Variants in DNAH2 observed in about 807,000 individuals in gnomAD.
The protein encoded by DNAH2 is dynein axonemal heavy chain 2, also known as axonemal beta dynein heavy chain 2.
DNAH2 carries 323 observed loss-of-function variants against 523.5 expected under a neutral mutation model. The ratio of observed to expected loss-of-function variants is 0.62; its 90% CI spans 0.56 to 0.68. The LOEUF (loss-of-function observed/expected upper bound fraction) is 0.68, where lower values mean the gene tolerates loss of function less well. Among genes scored for constraint, DNAH2 ranks in the 30% least tolerant of loss-of-function variants. The probability of loss-of-function intolerance (pLI) is 0.00; values close to 1 mark genes in which losing one functional copy is unlikely to be tolerated. For synonymous variants in DNAH2, 2,093 were observed against 2,177.4 expected (o/e 0.96, Z 1.08); for missense variants, 4,907 against 5,701.5 (o/e 0.86, Z 4.49).
chr17:7,792,773 G>T lies in DNAH2; in HGVS notation c.7262G>T (p.Gly2421Val). The T allele has an allele frequency of 6.2e-7, 1 of 1,614,174 alleles. No individual in the cohort carries two copies. Among genetic ancestry groups the T allele is most frequent in the South Asian group, 1.1e-5 (1 of 91,084 alleles). ...PILLVGPVGT[G>V]KTSIAQSVLQ... Reference sequence around the variant, plus strand: ...CTGCTGGTGGGTCCCGTGGGGACTGGGAAGACCTCCATCGCCCAGAGCGTT... The same window carrying T: ...CTGCTGGTGGGTCCCGTGGGGACTGTGAAGACCTCCATCGCCCAGAGCGTT... Residue 2421 changes from glycine to valine, a missense_variant, in exon 47 of 86, where the codon GGG (glycine) becomes GTG (valine). Around this residue, in one of 3 missense-constraint regions of DNAH2, gnomAD observed 2,806 missense variants for 3,190.8 expected, o/e 0.88. Coordinates refer to ENST00000572933, the MANE Select transcript of DNAH2 (RefSeq NM_020877.5).
At position 7,754,851 on chromosome 17, in the gene DNAH2, T is replaced by C; in HGVS notation, c.1905-2240T>C. ...CCAGTGCCCTACAAAGACTTCAGAG[T>C]AGATATCTCTGTCTGCCAACGTGAG... On this transcript the variant is annotated intron_variant, in intron 12 of 85. Transcript: ENST00000572933. This position sits in a 1 kb window ranked among gnomAD's most constrained non-coding sequence, Gnocchi z 4.6. 1.5e-6 allele frequency: 1 copy of C among 662,136 alleles called. No individual in the cohort carries two copies. The highest frequency in any genetic ancestry group is 2.7e-6 in the Non-Finnish European group (1 of 371,564). The allele number at this position is 662,136 out of a possible 1,614,324, so 41.0% of individuals were successfully genotyped here.
chr17:7,815,276 C>A (rs983246700), intron 63 of DNAH2, among the ~76,000 whole-genome samples: 3 of 152,252 alleles, frequency 2.0e-5, no homozygotes, highest in Admixed American at 1.3e-4. Flanking sequence ...ATGAAACTTA[C>A]CAGAATTACT....
At chr17:7,720,628 ACCT>A (rs2074573072) in intron 2 of DNAH2, among the ~76,000 whole-genome samples, 1 of 151,890 alleles carries the variant, frequency 6.6e-6, no homozygotes, top group Non-Finnish European at 1.5e-5. Flanking sequence ...CTAAGTGTAG[ACCT>A]CCTTCTTTAC....
rs2078250318 is a variant in DNAH2, at chr17:7,833,383, G to A, written c.13134G>A (p.Met4378Ile). 2 of 1,613,888 alleles carry A rather than the reference G, an allele frequency of 1.2e-6. No homozygotes were observed. The highest frequency in any genetic ancestry group is 1.7e-6 in the Non-Finnish European group (2 of 1,180,016). ...AESRKKSAKG[M>I]YSCPCYYYPN... ...TTCTCCTCTCCTTTCCCCCAGGCAT[G>A]TACTCCTGCCCCTGCTATTACTATC... The change falls in exon 86 of 86, where the codon ATG (methionine) becomes ATA (isoleucine). Residue 4378 changes from methionine (M) to isoleucine (I), a missense_variant. Around this residue, in one of 3 missense-constraint regions of DNAH2, gnomAD observed 1,851 missense variants for 2,139.4 expected, o/e 0.87. Transcript: ENST00000572933.
intron 2 of DNAH2, among the ~76,000 whole-genome samples, chr17:7,720,703 T>C (rs544284742): frequency 7.8e-4 from 119 of 152,236 alleles, no homozygotes; most frequent in African/African-American, 2.8e-3. Flanking sequence ...AATTAAAGGT[T>C]GAGAGGTTAA....
At chr17:7,759,994 G>T in intron 17 of DNAH2, 56 bp downstream of exon 17, 1 of 1,611,758 alleles carries the variant, frequency 6.2e-7, no homozygotes. Context: ...TGTCGAGTGG[G>T]CCAGGCCAGG....
At position 7,749,312 on chromosome 17, in the gene DNAH2, A is replaced by ATC. The variant is rs1336153703; in HGVS notation, c.1904+6170_1904+6171insTC. On this transcript the variant is annotated intron_variant, in intron 12 of 85. Transcript: ENST00000572933. ...AACAAGAGCTAAACTCCCCCCCAAAAAAAAAAAAAAAAAAAAAAAAAAAAA... is the reference window on the plus strand; with the variant it reads ...AACAAGAGCTAAACTCCCCCCCAAAATCAAAAAAAAAAAAAAAAAAAAAAAAA... 8.2e-4 allele frequency among the ~76,000 whole-genome samples: 61 copies of ATC among 74,580 alleles called. 2 individuals are homozygous for ATC. Among genetic ancestry groups the ATC allele is most frequent in the African/African-American group, 3.8e-3 (22 of 5,802 alleles). 48.9% of individuals were successfully genotyped at this position (74,580 alleles called of 152,430 possible).
At chr17:7,789,267 G>A (rs1295299182) in intron 44 of DNAH2, among the ~76,000 whole-genome samples, 2 of 152,244 alleles carry the variant, frequency 1.3e-5, no homozygotes, top group Admixed American at 1.3e-4. Context: ...TGTCAAGAAG[G>A]ACGGGCTGGG....
intron 12 of DNAH2, among the ~76,000 whole-genome samples, chr17:7,747,877 A>T (rs1376355099): frequency 6.6e-6 from 1 of 152,234 alleles, no homozygotes; most frequent in Non-Finnish European, 1.5e-5. Context: ...GTCTGGGCTC[A>T]TCACCAGTAA....
At chr17:7,757,286 T>G in intron 13 of DNAH2, 49 bp downstream of exon 13, 1 of 1,592,382 alleles carries the variant, frequency 6.3e-7, no homozygotes, top group Non-Finnish European at 8.6e-7. Flanking sequence ...ATTTTATTCC[T>G]TCTTTTTCTC....
At chr17:7,801,190 T>C (rs1234648083) in intron 56 of DNAH2, among the ~76,000 whole-genome samples, 2 of 152,070 alleles carry the variant, frequency 1.3e-5, no homozygotes, top group Non-Finnish European at 2.9e-5. Context: ...TTGTTTTTAA[T>C]GTTTGTGATA....
At chr17:7,748,216 T>C (rs1973669229) in intron 12 of DNAH2, among the ~76,000 whole-genome samples, 2 of 152,336 alleles carry the variant, frequency 1.3e-5, no homozygotes, top group East Asian at 1.9e-4. Context: ...ATATTCCAGA[T>C]GTCATCCACA....
intron 73 of DNAH2, 95 bp from the exon 74 acceptor site, chr17:7,823,333 GAGAGAGAAAAATAC>G: frequency 5.6e-6 from 6 of 1,063,294 alleles, no homozygotes; most frequent in Non-Finnish European, 7.8e-6. Flanking sequence ...TTCCCACCGA[GAGAGAGAAAAATAC>G]AGAGAGAGAG....
chr17:7,776,848 C>T lies in DNAH2; in HGVS notation c.5017C>T (p.Arg1673Trp), dbSNP rs534335342. 1.9e-5 allele frequency: 30 copies of T among 1,611,948 alleles called. No individual in the cohort carries two copies. In the East Asian group the frequency reaches 2.5e-4, roughly 13 times the overall value. Residue 1673 changes from arginine (R) to tryptophan (W), a missense_variant, in exon 32 of 86, where the codon CGG becomes TGG. Around this residue, in one of 3 missense-constraint regions of DNAH2, gnomAD observed 2,806 missense variants for 3,190.8 expected, o/e 0.88. Coordinates refer to ENST00000572933, the MANE Select transcript of DNAH2 (RefSeq NM_020877.5). ...VTKCLLTAKE[R>W]ADKKILKVMK... ...CAAGTGCCTGCTGACAGCGAAGGAG[C>T]GGGCAGACAAGAAAATCCTCAAGGT...
rs1331012521 is a variant in DNAH2, at chr17:7,798,680, G to A, written c.8521G>A (p.Glu2841Lys). The A allele has an allele frequency of 5.0e-6, 8 of 1,613,982 alleles. No homozygotes were observed. The highest frequency in any genetic ancestry group is 6.8e-6 in the Non-Finnish European group (8 of 1,180,022). ...EDINNILSSG[E>K]VPNLYKPDEF... ...CATCAACAACATCCTCAGCTCAGGCGAGGTGCCCAATCTCTACAAGCCTGA... is the reference window on the plus strand; with the variant it reads ...CATCAACAACATCCTCAGCTCAGGCAAGGTGCCCAATCTCTACAAGCCTGA... Residue 2841 changes from glutamate (E) to lysine (K), a missense_variant, in exon 55 of 86, where the codon GAG (glutamate) becomes AAG (lysine). Glu to Lys is a moderately conservative substitution (Grantham distance 56). This residue lies in a region of DNAH2 where 1,851 missense variants were observed against 2,139.4 expected (regional missense o/e 0.87). Coordinates refer to ENST00000572933, the MANE Select transcript of DNAH2 (RefSeq NM_020877.5). This position sits in a 1 kb window ranked among gnomAD's most constrained non-coding sequence, Gnocchi z 5.5.
chr17:7,728,093 C>T (rs563948616), intron 4 of DNAH2, among the ~76,000 whole-genome samples: 94 of 152,194 alleles, frequency 6.2e-4, no homozygotes, highest in Non-Finnish European at 1.2e-3. Context: ...AGAATTTGGC[C>T]GCTATCCCAG....
rs984259537 is a variant in DNAH2 at position 7,832,381 on chromosome 17, G to A, written c.12727-198G>A. On this transcript the variant is annotated intron_variant, in intron 82 of 85. Transcript: ENST00000572933. This position sits in a 1 kb window ranked among gnomAD's most constrained non-coding sequence, Gnocchi z 4.3. ...AAAAATTAGCCGGGCGTGATGGTGG[G>A]CGCCTGTAATCCCAGCTACTTGGGA... 2.0e-5 allele frequency among the ~76,000 whole-genome samples: 3 copies of A among 151,950 alleles called. No homozygotes were observed. Among genetic ancestry groups the A allele is most frequent in the African/African-American group, 7.3e-5 (3 of 41,352 alleles).
In DNAH2 at chr17:7,818,775, C is replaced by A; in HGVS notation, c.10669C>A (p.Arg3557=). 6.2e-7 allele frequency: 1 copy of A among 1,614,004 alleles called. No homozygotes were observed. The highest frequency in any genetic ancestry group is 8.5e-7 in the Non-Finnish European group (1 of 1,179,938). The change falls in exon 70 of 86, where the codon CGG becomes AGG. Residue 3557 remains arginine, a splice_region_variant and synonymous_variant. Coordinates refer to ENST00000572933, the MANE Select transcript of DNAH2 (RefSeq NM_020877.5). ...CAAGGAGCTGGAGGATGAGATCCTG[C>A]GGTGAGGCCCTGCCTTCCCCTCCCA... ...KLKELEDEIL[R]LLNEATGSLL...
In DNAH2 at chr17:7,768,035, C is replaced by T; in HGVS notation, c.3811C>T (p.Leu1271Phe). 6.2e-7 allele frequency: 1 copy of T among 1,614,146 alleles called. No individual in the cohort carries two copies. Among genetic ancestry groups the T allele is most frequent in the Non-Finnish European group, 8.5e-7 (1 of 1,180,042 alleles). The change falls in exon 23 of 86, where the codon CTC becomes TTC. Residue 1271 changes from leucine (L) to phenylalanine (F), a missense_variant. This residue lies in a region of DNAH2 where 2,806 missense variants were observed against 3,190.8 expected (regional missense o/e 0.88). Coordinates refer to ENST00000572933, the MANE Select transcript of DNAH2 (RefSeq NM_020877.5). Reference sequence around the variant, plus strand: ...CACGGCCCACGGGCTGTTTCGTCGCCTCACAAAATTAGCCAAAGAGTATAA... The same window carrying T: ...CACGGCCCACGGGCTGTTTCGTCGCTTCACAAAATTAGCCAAAGAGTATAA... The part of the protein sequence containing the change: ...ETTAHGLFRR[L>F]TKLAKEYKDR...
Sources: allele counts gnomAD v4.1 joint callset (sites outside exome capture counted in the v4.1 genomes callset), GRCh38; gene constraint gnomAD v4.1.1; regional missense constraint gnomAD v4.1.1; non-coding constraint Gnocchi (gnomAD v3.1); transcripts MANE v1.5; gene names NCBI Gene and HGNC (gene_info 2026-07-23, HGNC 2026-07-21).